NEK1: variants seen among roughly 807,000 people sequenced by gnomAD.
NEK1 encodes NIMA related kinase 1.
A neutral mutation model predicts 182.1 loss-of-function variants in NEK1; 137 were observed. That is an observed-to-expected ratio of 0.75 (90% confidence interval 0.65 to 0.87). The LOEUF is 0.87. Ranked by LOEUF, NEK1 falls within the 40% of genes least tolerant of loss-of-function variation. The pLI, the probability that NEK1 is intolerant of heterozygous loss-of-function variation, is 0.00. For synonymous variants in NEK1, 513 were observed against 492.2 expected (o/e 1.04, Z -0.56); for missense variants, 1,391 against 1,494.4 (o/e 0.93, Z 1.14).
At chr4:169,473,637 C>A (rs1362179789) in intron 26 of NEK1, among the ~76,000 whole-genome samples, 1 of 152,112 alleles carries the variant, frequency 6.6e-6, no homozygotes. Context: ...GTAATCCCAG[C>A]ACTTTGGGGA....
intron 31 of NEK1, among the ~76,000 whole-genome samples, chr4:169,413,674 T>C (rs1256443095): frequency 6.6e-6 from 1 of 152,186 alleles, no homozygotes; most frequent in African/African-American, 2.4e-5. Flanking sequence ...TGATCCACCA[T>C]GTACTTCACC....
At chr4:169,406,802 A>G in intron 31 of NEK1, 55 bp from the exon 32 acceptor site, 1 of 1,443,212 alleles carries the variant, frequency 6.9e-7, no homozygotes, top group Non-Finnish European at 9.4e-7. Context: ...AAAACATAAA[A>G]ATGAGAGAAA....
intron 23 of NEK1, among the ~76,000 whole-genome samples, chr4:169,492,095 C>CA (rs1434362773): frequency 6.6e-6 from 1 of 151,970 alleles, no homozygotes; most frequent in African/African-American, 2.4e-5. Flanking sequence ...AACAAAGGAC[C>CA]AAAAAACAAC....
intron 19 of NEK1, among the ~76,000 whole-genome samples, chr4:169,514,240 G>A (rs1347775817): frequency 6.6e-6 from 1 of 151,960 alleles, no homozygotes; most frequent in Non-Finnish European, 1.5e-5. Flanking sequence ...CACCTGCCTC[G>A]GCCTCCCAAA....
At chr4:169,568,418 C>T (rs904072282) in intron 12 of NEK1, among the ~76,000 whole-genome samples, 1 of 152,090 alleles carries the variant, frequency 6.6e-6, no homozygotes, top group Non-Finnish European at 1.5e-5. Context: ...AAACATAAAA[C>T]ATATTTCCAA....
chr4:169,569,179 A>G (rs1764213735), intron 12 of NEK1, among the ~76,000 whole-genome samples: 1 of 152,192 alleles, frequency 6.6e-6, no homozygotes, highest in Non-Finnish European at 1.5e-5. Context: ...TAAAGTCTCT[A>G]TTTCAAGAAT....
At chr4:169,560,946 G>A (rs1487433443) in intron 16 of NEK1, among the ~76,000 whole-genome samples, 1 of 152,034 alleles carries the variant, frequency 6.6e-6, no homozygotes, top group Admixed American at 6.6e-5. Context: ...AGGGTGAGGA[G>A]GGATGGAGAG....
At chr4:169,400,134 A>G in intron 35 of NEK1, 91 bp downstream of exon 35, 1 of 1,242,556 alleles carries the variant, frequency 8.0e-7, no homozygotes, top group Non-Finnish European at 1.2e-6. Flanking sequence ...ATTTCACAAA[A>G]TGGATGTGAT....
intron 16 of NEK1, among the ~76,000 whole-genome samples, chr4:169,559,924 G>A (rs774394959): frequency 1.4e-4 from 21 of 152,262 alleles, no homozygotes; most frequent in Non-Finnish European, 2.4e-4. Context: ...CAGGAGAATC[G>A]CTTGAACCCG....
chr4:169,600,812 G>A (rs1770362981), intron 4 of NEK1, among the ~76,000 whole-genome samples: 1 of 152,106 alleles, frequency 6.6e-6, no homozygotes, highest in Admixed American at 6.6e-5. Flanking sequence ...TTTGATGCTA[G>A]CATGTATTCT....
intron 27 of NEK1, among the ~76,000 whole-genome samples, chr4:169,440,587 A>G (rs72973017): frequency 0.097 from 14,754 of 152,206 alleles, 799 homozygotes; most frequent in East Asian, 0.17. Context: ...GAACACAGGA[A>G]TTCAGCCGCA....
intron 31 of NEK1, among the ~76,000 whole-genome samples, chr4:169,416,996 T>C (rs149917032): frequency 1.2e-3 from 177 of 152,348 alleles, no homozygotes; most frequent in African/African-American, 3.6e-3. Context: ...ACTACTATAT[T>C]AGAGTTTCCT....
chr4:169,576,895 G>A (rs906513416), intron 12 of NEK1, 33 bp downstream of exon 12: 1 of 1,551,606 alleles, frequency 6.4e-7, no homozygotes, highest in Admixed American at 1.9e-5. Context: ...AATTGAATTT[G>A]TTATTAACAC....
intron 19 of NEK1, among the ~76,000 whole-genome samples, chr4:169,530,101 GGAAACAT>G (rs569477282): frequency 1.6e-4 from 24 of 152,186 alleles, no homozygotes; most frequent in African/African-American, 4.6e-4. Context: ...ACCAAAAATT[GGAAACAT>G]CTCAAATGTC....
chr4:169,590,769 T>C lies in NEK1; in HGVS notation c.353A>G (p.His118Arg). Reference protein sequence around the residue: ...WFVQICLALKHVHDRKILHRD... With the variant: ...WFVQICLALKRVHDRKILHRD... ...ATGAAGAATTTTTCTATCATGTACA[T>C]GTTTCAGGGCCAAACATATCTGTAC... The change falls in exon 6 of 36, where the codon CAT (histidine) becomes CGT (arginine). Residue 118 changes from histidine to arginine, a missense_variant. Physicochemically the swap from His to Arg is conservative, Grantham distance 29. Coordinates refer to ENST00000507142, the MANE Select transcript of NEK1 (RefSeq NM_001199397.3). The C allele has an allele frequency of 6.2e-7, 1 of 1,600,034 alleles. No homozygotes were observed. The highest frequency in any genetic ancestry group is 8.5e-7 in the Non-Finnish European group (1 of 1,172,596).
At chr4:169,439,670 G>C (rs917851945) in intron 27 of NEK1, among the ~76,000 whole-genome samples, 1 of 151,878 alleles carries the variant, frequency 6.6e-6, no homozygotes, top group Non-Finnish European at 1.5e-5. Flanking sequence ...CAAAATATAG[G>C]ATAAAAATCT....
intron 23 of NEK1, among the ~76,000 whole-genome samples, chr4:169,486,671 T>A (rs374139122): frequency 6.6e-6 from 1 of 152,216 alleles, no homozygotes; most frequent in Admixed American, 6.5e-5. Flanking sequence ...TAAATTTTCT[T>A]AACTAGTATT....
intron 27 of NEK1, among the ~76,000 whole-genome samples, chr4:169,455,306 C>T (rs563092742): frequency 2.6e-4 from 40 of 151,720 alleles, no homozygotes; most frequent in African/African-American, 9.2e-4. Flanking sequence ...TGCACATGTA[C>T]CCTAGAACTT....
At chr4:169,413,486 C>T (rs1453448383) in intron 31 of NEK1, among the ~76,000 whole-genome samples, 1 of 152,118 alleles carries the variant, frequency 6.6e-6, no homozygotes, top group Non-Finnish European at 1.5e-5. Context: ...CAAAGTTTTC[C>T]AGGCAAGTTT....
Sources: allele counts gnomAD v4.1 joint callset (sites outside exome capture counted in the v4.1 genomes callset), GRCh38; gene constraint gnomAD v4.1.1; transcripts MANE v1.5; gene names NCBI Gene and HGNC (gene_info 2026-07-23, HGNC 2026-07-21).